Variants in IFT80 observed in about 807,000 individuals in gnomAD.
IFT80 encodes intraflagellar transport protein 80 homolog.
Under a neutral mutation model 107.9 loss-of-function variants are expected in IFT80, and 79 were observed. The observed-to-expected ratio is 0.73, with a 90% CI of 0.61 to 0.88. The LOEUF (loss-of-function observed/expected upper bound fraction) is 0.88. IFT80 is among the 40% of genes least tolerant of loss of function. The pLI, the probability that IFT80 is intolerant of heterozygous loss-of-function variation, is 0.00. For missense variants in IFT80, 797 were observed against 914.2 expected (o/e 0.87, Z 1.65); for synonymous variants, 299 against 300.9 (o/e 0.99, Z 0.07).
intron 2 of IFT80, chr3:160,383,693 C>T (rs1712701275): frequency 1.0e-6 from 1 of 985,246 alleles, no homozygotes; most frequent in African/African-American, 1.7e-5. Context: ...CAGAATTAGT[C>T]TAAATGTCTA....
intron 13 of IFT80, among the ~76,000 whole-genome samples, chr3:160,283,051 G>A (rs968793938): frequency 2.6e-5 from 4 of 152,006 alleles, no homozygotes; most frequent in Middle Eastern, 3.2e-3. Context: ...TGTGTCCAGG[G>A]CCTTAAATTC....
intron 5 of IFT80, among the ~76,000 whole-genome samples, chr3:160,368,450 A>G (rs1185764415): frequency 7.9e-5 from 12 of 151,662 alleles, no homozygotes. Context: ...AATGACATCA[A>G]GGATTGTTCT....
chr3:160,388,445 T>C (rs1044530630), intron 1 of IFT80, among the ~76,000 whole-genome samples: 4 of 151,548 alleles, frequency 2.6e-5, no homozygotes, highest in Non-Finnish European at 4.4e-5. Context: ...TTAAGGAACT[T>C]TTAACAAGCA....
chr3:160,313,983 G>A (rs192775001), intron 9 of IFT80, among the ~76,000 whole-genome samples: 4 of 151,876 alleles, frequency 2.6e-5, no homozygotes, highest in African/African-American at 7.3e-5. Flanking sequence ...CCTGATATTC[G>A]CATCACCTAA....
chr3:160,268,960 G>T (rs1452455066), intron 18 of IFT80, among the ~76,000 whole-genome samples: 1 of 152,168 alleles, frequency 6.6e-6, no homozygotes, highest in Non-Finnish European at 1.5e-5. Flanking sequence ...TGGGCACAGT[G>T]GTTCATGCCT....
intron 12 of IFT80, among the ~76,000 whole-genome samples, chr3:160,292,721 C>T (rs752707476): frequency 6.6e-6 from 1 of 152,060 alleles, no homozygotes; most frequent in Non-Finnish European, 1.5e-5. Flanking sequence ...TGTGATGCGC[C>T]CGCCTCGGCC....
chr3:160,348,889 A>C (rs1205262596), intron 8 of IFT80, among the ~76,000 whole-genome samples: 1 of 152,166 alleles, frequency 6.6e-6, no homozygotes, highest in East Asian at 1.9e-4. Flanking sequence ...TATAGGAAAA[A>C]AAGTAGATTA....
At position 160,346,370 on chromosome 3, in the gene IFT80, T is replaced by C. The variant is rs912472923; in HGVS notation, c.777+9643A>G. ...TCACATTACCTGTACCTCATAAGTA[T>C]ATACAATTATTATTTGTCAATTAAC... is the stretch of plus-strand genomic sequence containing the variant. On this transcript the variant is annotated intron_variant, in intron 8 of 19. Transcript: ENST00000326448. Among the ~76,000 whole-genome samples the C allele has an allele frequency of 3.9e-5, 6 of 152,344 alleles. No homozygotes were observed. In the South Asian group the frequency reaches 1.0e-3, roughly 26 times the overall value.
chr3:160,357,679 A>G (rs1342957775), intron 6 of IFT80, 101 bp from the exon 7 acceptor site: 3 of 702,394 alleles, frequency 4.3e-6, no homozygotes, highest in Non-Finnish European at 7.6e-6. Context: ...CTCCTTTGTC[A>G]TCTTCTCAGG....
chr3:160,293,804 A>T (rs1224621198), intron 12 of IFT80, among the ~76,000 whole-genome samples: 2 of 152,186 alleles, frequency 1.3e-5, no homozygotes, highest in African/African-American at 2.4e-5. Flanking sequence ...CTTGAGAAGA[A>T]GGGAGCTGGA....
intron 18 of IFT80, among the ~76,000 whole-genome samples, chr3:160,271,941 CAA>C (rs10708967): frequency 3.8e-5 from 5 of 130,576 alleles, no homozygotes; most frequent in Admixed American, 7.9e-5. Flanking sequence ...GAAGTCTTAT[CAA>C]AAAAAAAAAA....
intron 8 of IFT80, among the ~76,000 whole-genome samples, chr3:160,321,805 T>G (rs1434612091): frequency 6.6e-6 from 1 of 151,782 alleles, no homozygotes; most frequent in Non-Finnish European, 1.5e-5. Flanking sequence ...ATTTAAAGTA[T>G]GGTTTTATTT....
intron 3 of IFT80, among the ~76,000 whole-genome samples, chr3:160,378,848 CT>C (rs1712249102): frequency 6.6e-6 from 1 of 151,908 alleles, no homozygotes; most frequent in Non-Finnish European, 1.5e-5. Flanking sequence ...AGAATACCAA[CT>C]AATCAATATG....
At chr3:160,346,278 G>A (rs2108344282) in intron 8 of IFT80, among the ~76,000 whole-genome samples, 1 of 152,252 alleles carries the variant, frequency 6.6e-6, no homozygotes, top group South Asian at 2.1e-4. Context: ...TACAAAAAAT[G>A]TTATGTAAGG....
intron 9 of IFT80, among the ~76,000 whole-genome samples, chr3:160,311,210 G>A (rs1267877743): frequency 6.6e-6 from 1 of 152,056 alleles, no homozygotes; most frequent in Non-Finnish European, 1.5e-5. Flanking sequence ...ACAGAATGTG[G>A]GAAATTCAAC....
intron 8 of IFT80, among the ~76,000 whole-genome samples, chr3:160,353,467 T>G (rs1720859848): frequency 6.6e-6 from 1 of 152,202 alleles, no homozygotes. Flanking sequence ...GGCAAACACT[T>G]TAGTCCATCT....
At chr3:160,282,335 C>T in intron 14 of IFT80, 143 bp downstream of exon 14, 1 of 634,402 alleles carries the variant, frequency 1.6e-6, no homozygotes, top group African/African-American at 1.9e-5. Context: ...TTCACTCCTA[C>T]TTTTTTAAAA....
intron 6 of IFT80, among the ~76,000 whole-genome samples, chr3:160,362,011 A>G (rs997957909): frequency 6.6e-6 from 1 of 152,218 alleles, no homozygotes; most frequent in African/African-American, 2.4e-5. Context: ...ACAGAAGGCA[A>G]GAAATAACTA....
chr3:160,348,258 C>T (rs1276589272), intron 8 of IFT80, among the ~76,000 whole-genome samples: 4 of 152,028 alleles, frequency 2.6e-5, no homozygotes, highest in Non-Finnish European at 4.4e-5. Flanking sequence ...GAAATTCAAA[C>T]GGTAGCTTTC....
Sources: gnomAD v4.1 joint callset for allele counts (sites outside exome capture counted in the v4.1 genomes callset) on GRCh38, gnomAD v4.1.1 for gene constraint, MANE v1.5 for transcripts, NCBI Gene and HGNC (gene_info 2026-07-23, HGNC 2026-07-21) for gene names.